ZNF346: variants seen among roughly 807,000 people sequenced by gnomAD.
ZNF346 encodes zinc finger protein 346.
ZNF346 carries 23 observed loss-of-function variants against 33.7 expected under a neutral mutation model. The ratio of observed to expected loss-of-function variants is 0.68; its 90% CI spans 0.49 to 0.97. The LOEUF is 0.97. ZNF346 is among the 50% of genes least tolerant of loss of function. The pLI is 0.00. For synonymous variants in ZNF346, 134 were observed against 142.4 expected, an observed-to-expected ratio of 0.94 and a Z score of 0.42; for missense variants, 340 against 371.1, an observed-to-expected ratio of 0.92 and a Z score of 0.69.
intron 4 of ZNF346, among the ~76,000 whole-genome samples, chr5:177,050,068 C>G (rs536334964): frequency 6.6e-6 from 1 of 152,318 alleles, no homozygotes; most frequent in African/African-American, 2.4e-5. Context: ...ATCTCTTGAC[C>G]TCGTGATCCG....
intron 3 of ZNF346, among the ~76,000 whole-genome samples, chr5:177,042,406 A>G (rs1473404692): frequency 6.6e-6 from 1 of 152,210 alleles, no homozygotes; most frequent in African/African-American, 2.4e-5. Flanking sequence ...CCATCTCATC[A>G]TGGGAAGAGA....
rs940790308 is a variant in ZNF346, at chr5:177,067,875, C to T, written c.*3276C>T. The stretch of plus-strand genomic sequence containing the variant: ...ATCCCAGCACTTTGGGAGGCCAAGG[C>T]GGGTGTATCACTTGCGGCCGGGAGT... On this transcript the variant is annotated 3_prime_UTR_variant, in exon 7 of 7. Coordinates refer to ENST00000358149, the MANE Select transcript of ZNF346 (RefSeq NM_012279.4). Among the ~76,000 whole-genome samples, 3 of 152,028 alleles carry T rather than the reference C, an allele frequency of 2.0e-5. No individual in the cohort carries two copies. Among genetic ancestry groups the T allele is most frequent in the African/African-American group, 7.3e-5 (3 of 41,374 alleles).
intron 1 of ZNF346, among the ~76,000 whole-genome samples, chr5:177,037,725 T>C (rs1438791897): frequency 6.6e-6 from 1 of 152,210 alleles, no homozygotes; most frequent in African/African-American, 2.4e-5. Context: ...CCTTGTTCTT[T>C]CTGCTTCCAT....
chr5:177,053,192 T>A (rs1169683936), intron 5 of ZNF346, among the ~76,000 whole-genome samples: 2 of 151,954 alleles, frequency 1.3e-5, no homozygotes, highest in South Asian at 4.1e-4. Context: ...GACACACGCC[T>A]ATAGTCCCAG....
At chr5:177,070,001 TG>T (rs1417308539), downstream of ZNF346, among the ~76,000 whole-genome samples, 1 of 152,128 alleles carries the variant, frequency 6.6e-6, no homozygotes, top group Non-Finnish European at 1.5e-5. Flanking sequence ...GTTTCTAGTT[TG>T]GGGGTATCAT....
intron 4 of ZNF346, 37 bp downstream of exon 4, chr5:177,044,570 C>A (rs1382516410): frequency 6.2e-7 from 1 of 1,609,090 alleles, no homozygotes; most frequent in Admixed American, 1.7e-5. Context: ...AGTGGGACCC[C>A]TGCCGTCCTC....
intron 1 of ZNF346, among the ~76,000 whole-genome samples, chr5:177,030,098 T>G (rs1242097103): frequency 6.6e-6 from 1 of 152,252 alleles, no homozygotes; most frequent in Non-Finnish European, 1.5e-5. Context: ...TGAGTTTTTT[T>G]TCTCCAGAGC....
At position 177,044,469 on chromosome 5, in the gene ZNF346, G is replaced by C; in HGVS notation, c.453G>C (p.Ser151=). 3.7e-6 allele frequency: 6 copies of C among 1,613,992 alleles called. No individual in the cohort carries two copies. Among genetic ancestry groups the C allele is most frequent in the Non-Finnish European group, 5.1e-6 (6 of 1,179,998 alleles). ...MTFSSPVVAQ[S]HYLGKTHAKN... The stretch of plus-strand genomic sequence containing the variant: ...TTTCCTCCCCTGTCGTGGCCCAGTC[G>C]CACTACCTGGGGAAGACCCACGCAA... The change falls in exon 4 of 7, where the codon TCG becomes TCC. Residue 151 remains serine (S), a synonymous_variant. Coordinates refer to ENST00000358149, the MANE Select transcript of ZNF346 (RefSeq NM_012279.4).
At chr5:177,073,763 C>A (rs1216334389) in intron 8 of ZNF346, among the ~76,000 whole-genome samples, 1 of 136,882 alleles carries the variant, frequency 7.3e-6, no homozygotes, top group African/African-American at 2.6e-5. Context: ...CATTGCCTCC[C>A]TGTGCCTGTG....
intron 1 of ZNF346, among the ~76,000 whole-genome samples, chr5:177,029,751 C>G (rs1383436278): frequency 6.6e-6 from 1 of 152,166 alleles, no homozygotes; most frequent in East Asian, 1.9e-4. Context: ...GTTACTTCTC[C>G]CCTGGTTTTT....
chr5:177,037,795 C>T (rs1778712536), intron 1 of ZNF346, among the ~76,000 whole-genome samples: 1 of 152,154 alleles, frequency 6.6e-6, no homozygotes, highest in Admixed American at 6.6e-5. Flanking sequence ...AAGGGCAAAC[C>T]AGATCTTGTC....
chr5:177,034,381 A>T lies in ZNF346; in HGVS notation c.176-6745A>T, dbSNP rs368773951. Among the ~76,000 whole-genome samples, 5 of 151,556 alleles carry T rather than the reference A, an allele frequency of 3.3e-5. No individual in the cohort carries two copies. The East Asian group carries it at 9.7e-4, about 29-fold the overall frequency. On this transcript the variant is annotated intron_variant, in intron 1 of 6. Transcript: ENST00000358149. The stretch of plus-strand genomic sequence containing the variant: ...TGGGACTGTAGGTGTGCACCACGAC[A>T]CTCAGCTAATCTTTTTTGGTTTTTT...
rs747459890 is a variant in ZNF346 at position 177,062,148 on chromosome 5, A to G, written c.794A>G (p.Asn265Ser). 18 of 1,613,662 alleles carry G rather than the reference A, an allele frequency of 1.1e-5. No individual in the cohort carries two copies. The highest frequency in any genetic ancestry group is 5.0e-5 in the Admixed American group (3 of 59,980). ...CATGTCAGCGGCTTCAAACACAAGA[A>G]CCAGTAAGTAACCATTTTTTGAAAT... ...QAHVSGFKHK[N>S]QSPKTVASSL... is the part of the protein sequence containing the mutation. Residue 265 changes from asparagine to serine, a missense_variant, in exon 6 of 7, where the codon AAC (asparagine) becomes AGC (serine). Coordinates refer to ENST00000358149, the MANE Select transcript of ZNF346 (RefSeq NM_012279.4).
chr5:177,055,706 C>T (rs546829011), intron 5 of ZNF346, among the ~76,000 whole-genome samples: 21 of 151,978 alleles, frequency 1.4e-4, no homozygotes, highest in Non-Finnish European at 2.4e-4. Context: ...TTTAGGAGGC[C>T]AAGATAGGTG....
At chr5:177,030,906 ATTTT>A (rs760757696) in intron 1 of ZNF346, among the ~76,000 whole-genome samples, 2 of 103,530 alleles carry the variant, frequency 1.9e-5, no homozygotes, top group African/African-American at 7.3e-5. Context: ...GCTTAGTGTA[ATTTT>A]TTTTTTTTTT....
At position 177,035,462 on chromosome 5, in the gene ZNF346, AT is replaced by A. The variant is rs750860460; in HGVS notation, c.176-5649del. The stretch of plus-strand genomic sequence containing the variant: ...AGGCTGCCATCTCAGAATTTTGACA[AT>A]TTTTTTTTTTTTTTGAGACAGAGTT... On this transcript the variant is annotated intron_variant, in intron 1 of 6. Coordinates refer to ENST00000358149, the MANE Select transcript of ZNF346 (RefSeq NM_012279.4). 3.0e-3 allele frequency among the ~76,000 whole-genome samples: 422 copies of A among 142,688 alleles called. 1 individual carries two copies. Among genetic ancestry groups the A allele is most frequent in the African/African-American group, 3.1e-3 (122 of 39,146 alleles). 93.6% of individuals were successfully genotyped at this position (142,688 alleles called of 152,430 possible).
chr5:177,062,011 G>T (rs201306098), intron 5 of ZNF346, 47 bp from the exon 6 acceptor site: 2 of 1,538,510 alleles, frequency 1.3e-6, no homozygotes, highest in African/African-American at 2.7e-5. Context: ...CGGTCTTCAG[G>T]TTCCTTCTTT....
intron 1 of ZNF346, among the ~76,000 whole-genome samples, chr5:177,031,024 G>A (rs1248460956): frequency 1.3e-5 from 2 of 150,386 alleles, no homozygotes; most frequent in Admixed American, 6.7e-5. Context: ...GAGTTCAAGC[G>A]ATTCTCTTTT....
intron 8 of ZNF346, among the ~76,000 whole-genome samples, chr5:177,076,415 C>T (rs1783747937): frequency 1.3e-5 from 2 of 152,206 alleles, no homozygotes; most frequent in African/African-American, 4.8e-5. Flanking sequence ...AGCAAAGAAC[C>T]TGCTAAGTCT....
Sources: allele counts gnomAD v4.1 joint callset (sites outside exome capture counted in the v4.1 genomes callset), GRCh38; gene constraint gnomAD v4.1.1; transcripts MANE v1.5; gene names NCBI Gene and HGNC (gene_info 2026-07-23, HGNC 2026-07-21).